DNAJC18: variants seen among roughly 807,000 people sequenced by gnomAD.
DNAJC18 encodes dnaJ homolog subfamily C member 18.
Under a neutral mutation model 48.6 loss-of-function variants are expected in DNAJC18, and 40 were observed. The observed-to-expected ratio is 0.82, with a 90% CI of 0.64 to 1.07. The LOEUF (loss-of-function observed/expected upper bound fraction) is 1.07. Ranked by LOEUF, DNAJC18 falls within the 50% of genes least tolerant of loss-of-function variation. DNAJC18 has a pLI of 0.00. For missense variants in DNAJC18, 340 were observed against 427.7 expected, an observed-to-expected ratio of 0.79 and a Z score of 1.81; for synonymous variants, 135 against 152.2, an observed-to-expected ratio of 0.89 and a Z score of 0.83.
chr5:139,413,107 G>A lies in DNAJC18; in HGVS notation c.*1041C>T. On this transcript the variant is annotated 3_prime_UTR_variant, in exon 8 of 8. Coordinates refer to ENST00000302060, the MANE Select transcript of DNAJC18 (RefSeq NM_152686.4). ...TTTAAGTAAGAAAATATGTGTGAGA[G>A]CCCCTGCTTTTATAGTAGGCACTCA... The A allele has an allele frequency of 2.5e-6, 1 of 393,300 alleles. No individual in the cohort carries two copies. Among genetic ancestry groups the A allele is most frequent in the Non-Finnish European group, 4.5e-6 (1 of 223,280 alleles). 24.4% of individuals were successfully genotyped at this position (393,300 alleles called of 1,614,324 possible). A position where few individuals can be genotyped will look rare whatever the true frequency, so the allele number is the denominator to read the frequency against.
chr5:139,429,558 T>C (rs1486767463), intron 2 of DNAJC18, among the ~76,000 whole-genome samples: 1 of 152,202 alleles, frequency 6.6e-6, no homozygotes, highest in East Asian at 1.9e-4. Flanking sequence ...AGTACAGGTA[T>C]AGTCCTCTCC....
At chr5:139,434,899 T>G (rs186546734) in intron 2 of DNAJC18, among the ~76,000 whole-genome samples, 16 of 152,282 alleles carry the variant, frequency 1.1e-4, no homozygotes, top group Admixed American at 2.0e-4. Context: ...AGTACAATGT[T>G]GAACAGAGTG....
At chr5:139,436,729 C>G (rs1750666863) in intron 2 of DNAJC18, among the ~76,000 whole-genome samples, 1 of 151,646 alleles carries the variant, frequency 6.6e-6, no homozygotes, top group South Asian at 2.1e-4. Flanking sequence ...TCCAGGCTGT[C>G]TAGTTCCTTA....
chr5:139,431,435 T>C (rs1172663010), intron 2 of DNAJC18, among the ~76,000 whole-genome samples: 19 of 152,190 alleles, frequency 1.2e-4, no homozygotes, highest in Non-Finnish European at 1.5e-5. Context: ...CTGAATATTT[T>C]ACATAAAAGG....
At chr5:139,438,851 G>A (rs1750735523) in intron 1 of DNAJC18, among the ~76,000 whole-genome samples, 1 of 152,152 alleles carries the variant, frequency 6.6e-6, no homozygotes, top group African/African-American at 2.4e-5. Context: ...CTGTTCAGTC[G>A]TCAAACTCTC....
In DNAJC18 at chr5:139,414,044, A is replaced by C; in HGVS notation, c.*104T>G. On this transcript the variant is annotated 3_prime_UTR_variant, in exon 8 of 8. Transcript: ENST00000302060. ...TGCCCAACCAACGAAGTTAGCAAATAGTAAAGTGTTCATCATTACCTAGTT... is the reference window on the plus strand; with the variant it reads ...TGCCCAACCAACGAAGTTAGCAAATCGTAAAGTGTTCATCATTACCTAGTT... 1 of 1,477,904 alleles carries C rather than the reference A, an allele frequency of 6.8e-7. No individual in the cohort carries two copies. The highest frequency in any genetic ancestry group is 1.4e-5 in the African/African-American group (1 of 70,068). The allele number at this position is 1,477,904 out of a possible 1,614,324, so 91.5% of individuals were successfully genotyped here.
rs934013192 is a variant in DNAJC18 at position 139,439,257 on chromosome 5, C to T, written c.40+149G>A. 7.5e-7 allele frequency: 1 copy of T among 1,336,130 alleles called. No homozygotes were observed. The highest frequency in any genetic ancestry group is 1.5e-5 in the African/African-American group (1 of 68,792). The allele number at this position is 1,336,130 out of a possible 1,614,324, so 82.8% of individuals were successfully genotyped here. The stretch of plus-strand genomic sequence containing the variant: ...TCGGTCCCCAGCTTCCCTACCCCAT[C>T]CGCAACCCTACTCAGGCTCAGCATC... On this transcript the variant is annotated intron_variant, in intron 1 of 7. Coordinates refer to ENST00000302060, the MANE Select transcript of DNAJC18 (RefSeq NM_152686.4). This position sits in a 1 kb window ranked among gnomAD's most constrained non-coding sequence, Gnocchi z 4.1.
rs1415972378 is a variant in DNAJC18, at chr5:139,425,053, T to G, written c.621A>C (p.Arg207=). 6.2e-7 allele frequency: 1 copy of G among 1,613,522 alleles called. No homozygotes were observed. The highest frequency in any genetic ancestry group is 1.1e-5 in the South Asian group (1 of 91,076). Residue 207 remains arginine (R), a synonymous_variant, in exon 5 of 8, where the codon CGA becomes CGC. Transcript: ENST00000302060. ...DDTYYYRRRH[R]HERTQTQKEE... is the part of the protein sequence containing the mutation. ...CCTTCTGAGTCTGTGTCCTCTCATG[T>G]CGGTGCCGTCGACGGTAATAGTAAG...
chr5:139,419,520 TTTCAAAA>T (rs2152082987), intron 7 of DNAJC18, among the ~76,000 whole-genome samples: 1 of 152,312 alleles, frequency 6.6e-6, no homozygotes, highest in Admixed American at 6.5e-5. Flanking sequence ...CTTTGTTCTG[TTTCAAAA>T]AGTTAGGCTG....
rs140952496 is a variant in DNAJC18, at chr5:139,425,010, G to T, written c.664C>A (p.Pro222Thr). Residue 222 changes from proline to threonine, a missense_variant, in exon 5 of 8, where the codon CCT becomes ACT. Physicochemically the swap from Pro to Thr is conservative, Grantham distance 38 (BLOSUM62 -1). Transcript: ENST00000302060. Reference sequence around the variant, plus strand: ...GCTCCTCCCTCCCTAGGTACCTGAGGTTTCTCTTCTTCCTCCTCCTTCTGA... The same window carrying T: ...GCTCCTCCCTCCCTAGGTACCTGAGTTTTCTCTTCTTCCTCCTCCTTCTGA... ...QTQKEEEEEK[P>T]QTTYSAFIQL... 6.2e-7 allele frequency: 1 copy of T among 1,612,684 alleles called. No individual in the cohort carries two copies. The highest frequency in any genetic ancestry group is 8.5e-7 in the Non-Finnish European group (1 of 1,178,946).
chr5:139,422,632 G>T, intron 6 of DNAJC18, 76 bp downstream of exon 6: 2 of 1,079,794 alleles, frequency 1.9e-6, no homozygotes, highest in Non-Finnish European at 2.8e-6. Flanking sequence ...TGAAATGTTA[G>T]TAATGTATCA....
At position 139,435,705 on chromosome 5, in the gene DNAJC18, G is replaced by GTTTTTTTTTTTTTTTT. The variant is rs377125785; in HGVS notation, c.227+1651_227+1666dup. On this transcript the variant is annotated intron_variant, in intron 2 of 7. Coordinates refer to ENST00000302060, the MANE Select transcript of DNAJC18 (RefSeq NM_152686.4). Reference sequence around the variant, plus strand: ...GGGCCTGGACTTTTCTTCATTGGAAGTTTTTTTTTTTTTTTTTTTTTTTTT... The same window carrying GTTTTTTTTTTTTTTTT: ...GGGCCTGGACTTTTCTTCATTGGAAGTTTTTTTTTTTTTTTTTTTTTTTTTTTTTTTTTTTTTTTTT... Among the ~76,000 whole-genome samples the GTTTTTTTTTTTTTTTT allele has an allele frequency of 4.5e-3, 187 of 41,192 alleles. 60 individuals are homozygous for GTTTTTTTTTTTTTTTT. Among genetic ancestry groups the GTTTTTTTTTTTTTTTT allele is most frequent in the African/African-American group, 0.018 (159 of 8,980 alleles). 27.0% of individuals were successfully genotyped at this position (41,192 alleles called of 152,430 possible). A position where few individuals can be genotyped will look rare whatever the true frequency, so the allele number is the denominator to read the frequency against.
Position 139,413,848 on chromosome 5 carries a change from G to T in DNAJC18, c.*300C>A, listed in dbSNP as rs1759030721. The T allele has an allele frequency of 3.1e-6, 1 of 319,398 alleles. No homozygotes were observed. Among genetic ancestry groups the T allele is most frequent in the Non-Finnish European group, 5.7e-6 (1 of 175,004 alleles). The allele number at this position is 319,398 out of a possible 1,614,324, so 19.8% of individuals were successfully genotyped here. A position where few individuals can be genotyped will look rare whatever the true frequency, so the allele number is the denominator to read the frequency against. ...GGAAGAAAGCATGGATCTGCTCTGG[G>T]ATGCCCTGAACTCCATTCACATAGG... On this transcript the variant is annotated 3_prime_UTR_variant, in exon 8 of 8. Transcript: ENST00000302060.
chr5:139,428,575 G>C lies in DNAJC18; in HGVS notation c.336C>G (p.Asp112Glu), dbSNP rs1759278117. ...CTGTTGCTCCAGGAGCACAGTTCTTGTCAGGGTGAAATTTCAGGGCGAGTT... is the reference window on the plus strand; with the variant it reads ...CTGTTGCTCCAGGAGCACAGTTCTTCTCAGGGTGAAATTTCAGGGCGAGTT... ...YRKLALKFHP[D>E]KNCAPGATDA... The change falls in exon 3 of 8, where the codon GAC becomes GAG. Residue 112 changes from aspartate (D) to glutamate (E), a missense_variant. Asp to Glu is a conservative substitution (Grantham distance 45). Transcript: ENST00000302060. The C allele has an allele frequency of 6.2e-7, 1 of 1,614,076 alleles. No homozygotes were observed. The highest frequency in any genetic ancestry group is 8.5e-7 in the Non-Finnish European group (1 of 1,179,988).
intron 2 of DNAJC18, among the ~76,000 whole-genome samples, chr5:139,429,002 GA>G (rs1759288388): frequency 6.6e-6 from 1 of 150,702 alleles, no homozygotes; most frequent in African/African-American, 2.4e-5. Context: ...AAAGCCAGAA[GA>G]AACAGTTAAT....
At chr5:139,433,922 G>A (rs994669032) in intron 2 of DNAJC18, among the ~76,000 whole-genome samples, 5 of 152,082 alleles carry the variant, frequency 3.3e-5, no homozygotes, top group Middle Eastern at 3.2e-3. Context: ...ACAGAGTTTC[G>A]CTCTTGTTGC....
chr5:139,414,344 C>A, intron 7 of DNAJC18, 72 bp from the exon 8 acceptor site: 1 of 1,529,144 alleles, frequency 6.5e-7, no homozygotes, highest in South Asian at 1.3e-5. Flanking sequence ...TTTCTGGAGT[C>A]AAAGCTCCTT....
Position 139,413,439 on chromosome 5 carries a change from G to A in DNAJC18, c.*709C>T, listed in dbSNP as rs1227681681. 5 of 152,412 alleles carry A rather than the reference G, an allele frequency of 3.3e-5. No homozygotes were observed. Among genetic ancestry groups the A allele is most frequent in the African/African-American group, 1.2e-4 (5 of 41,448 alleles). The allele number at this position is 152,412 out of a possible 1,614,324, so 9.4% of individuals were successfully genotyped here. On this transcript the variant is annotated 3_prime_UTR_variant, in exon 8 of 8. Coordinates refer to ENST00000302060, the MANE Select transcript of DNAJC18 (RefSeq NM_152686.4). The stretch of plus-strand genomic sequence containing the variant: ...TGGAGTAGGGAGGCTTCGTGGAGGA[G>A]ATGAGGCTCGGTCTTGCATTATACC...
chr5:139,417,548 G>A (rs532478642), intron 7 of DNAJC18, among the ~76,000 whole-genome samples: 6 of 150,656 alleles, frequency 4.0e-5, no homozygotes, highest in Admixed American at 1.3e-4. Context: ...GTGGGTACAC[G>A]CATCATGCTT....
Sources: allele counts gnomAD v4.1 joint callset (sites outside exome capture counted in the v4.1 genomes callset), GRCh38; gene constraint gnomAD v4.1.1; non-coding constraint Gnocchi (gnomAD v3.1); transcripts MANE v1.5; gene names NCBI Gene and HGNC (gene_info 2026-07-23, HGNC 2026-07-21).